POLG2: variants seen among roughly 807,000 people sequenced by gnomAD.
POLG2 encodes the protein DNA polymerase subunit gamma-2.
POLG2 carries 50 observed loss-of-function variants against 56.5 expected under a neutral mutation model. That is an observed-to-expected ratio of 0.88 (90% confidence interval 0.71 to 1.12). The LOEUF (loss-of-function observed/expected upper bound fraction) is 1.12. POLG2 is among the 50% of genes most tolerant of loss of function. The probability of loss-of-function intolerance (pLI) is 0.00; values close to 1 mark genes in which losing one functional copy is unlikely to be tolerated. For synonymous variants in POLG2, 226 were observed against 222.6 expected, an observed-to-expected ratio of 1.02 and a Z score of -0.14; for missense variants, 584 against 583.3, an observed-to-expected ratio of 1.00 and a Z score of -0.01.
At chr17:64,488,822 A>C (rs782691993) in intron 4 of POLG2, among the ~76,000 whole-genome samples, 1 of 151,844 alleles carries the variant, frequency 6.6e-6, no homozygotes, top group African/African-American at 2.4e-5. Flanking sequence ...ACAAAAATTA[A>C]CCGGGCGTGG....
intron 6 of POLG2, 130 bp from the exon 7 acceptor site, chr17:64,480,519 G>A (rs537799624): frequency 4.7e-5 from 25 of 527,410 alleles, no homozygotes; most frequent in Non-Finnish European, 7.9e-5. Context: ...ATTATGTGAT[G>A]TTAATGTTTA....
Position 64,485,735 on chromosome 17 carries a change from TG to T in POLG2, c.1102del (p.His368IlefsTer11), listed in dbSNP as rs863224172. 6.2e-7 allele frequency: 1 copy of T among 1,612,556 alleles called. No individual in the cohort carries two copies. Among genetic ancestry groups the T allele is most frequent in the Admixed American group, 1.7e-5 (1 of 60,022 alleles). The stretch of plus-strand genomic sequence containing the variant: ...CTGAAATATCAACAGCACCTTTCTA[TG>T]AAGATTTTTCTTTCTTGTAAAGGAG... ...ENSFTRKKNL[H>X]RKVLKLHPCL... On this transcript the variant is annotated frameshift_variant, in exon 5 of 8. Transcript: ENST00000539111. LOFTEE classifies it high-confidence loss of function.
At chr17:64,491,724 A>C (rs1366942120) in intron 3 of POLG2, 2 of 861,418 alleles carry the variant, frequency 2.3e-6, no homozygotes, top group African/African-American at 1.7e-5. Context: ...GGCAGGGTAC[A>C]TGCTCTTCAT....
intron 4 of POLG2, among the ~76,000 whole-genome samples, chr17:64,486,305 T>C (rs1555667462): frequency 6.6e-6 from 1 of 152,006 alleles, no homozygotes; most frequent in Non-Finnish European, 1.5e-5. Context: ...TCAATAGCCC[T>C]ACAGACTATT....
chr17:64,478,088 TCA>T, intron 7 of POLG2, 100 bp from the exon 8 acceptor site: 1 of 1,272,448 alleles, frequency 7.9e-7, no homozygotes, highest in Non-Finnish European at 1.1e-6. Context: ...CTCTCAAGAG[TCA>T]CAGACTCAGG....
chr17:64,485,704 C>G (rs782774378), intron 5 of POLG2, 24 bp downstream of exon 5: 2 of 1,591,112 alleles, frequency 1.3e-6, no homozygotes, highest in African/African-American at 2.7e-5. Flanking sequence ...TTTCCCAAGT[C>G]TATCTCTGAA....
chr17:64,495,510 G>T (rs1332321574), intron 1 of POLG2, among the ~76,000 whole-genome samples: 1 of 152,102 alleles, frequency 6.6e-6, no homozygotes, highest in Non-Finnish European at 1.5e-5. Flanking sequence ...GCCCGAGGTC[G>T]AGGCTGCAGT....
At chr17:64,485,943 C>CAAA in intron 4 of POLG2, 75 bp from the exon 5 acceptor site, 7 of 1,461,652 alleles carry the variant, frequency 4.8e-6, no homozygotes, top group Non-Finnish European at 6.7e-6. Flanking sequence ...GACGGAGTCT[C>CAAA]ACTCTGTCAC....
chr17:64,482,119 T>TC (rs1568082467), intron 6 of POLG2, among the ~76,000 whole-genome samples: 4 of 145,188 alleles, frequency 2.8e-5, no homozygotes, highest in African/African-American at 7.7e-5. Context: ...TTTTTTTTTT[T>TC]CTGAAGCAGG....
chr17:64,487,932 C>G (rs917022518), intron 4 of POLG2, among the ~76,000 whole-genome samples: 5 of 152,216 alleles, frequency 3.3e-5, no homozygotes, highest in Non-Finnish European at 7.3e-5. Context: ...ACTCTTCCAA[C>G]AATATCTGAT....
intron 6 of POLG2, among the ~76,000 whole-genome samples, chr17:64,482,265 G>A (rs1393477690): frequency 1.3e-5 from 2 of 150,518 alleles, no homozygotes; most frequent in East Asian, 2.0e-4. Context: ...CATTATGCTC[G>A]GCTAATTTTT....
rs782219499 is a variant in POLG2, at chr17:64,496,679, G to A, written c.290C>T (p.Pro97Leu). Residue 97 changes from proline to leucine, a missense_variant, in exon 1 of 8, where the codon CCC becomes CTC. Physicochemically the swap from Pro to Leu is moderately conservative, Grantham distance 98. Transcript: ENST00000539111. ...CTCTACGCCCAAGGGTCCGAAGCCG[G>A]GGTGGCACCCACTCAGAAGAGAATC... ...SRDSLLSGCH[P>L]GFGPLGVELR... The A allele has an allele frequency of 3.3e-5, 53 of 1,613,858 alleles. No homozygotes were observed. The highest frequency in any genetic ancestry group is 3.6e-5 in the Non-Finnish European group (42 of 1,180,010).
At position 64,485,802 on chromosome 17, in the gene POLG2, T is replaced by A; in HGVS notation, c.1036A>T (p.Met346Leu). The A allele has an allele frequency of 3.1e-6, 5 of 1,612,970 alleles. No individual in the cohort carries two copies. Among genetic ancestry groups the A allele is most frequent in the Non-Finnish European group, 4.2e-6 (5 of 1,178,896 alleles). Reference protein sequence around the residue: ...LSVNGDLDRGMLAYLYDSFQL... With the variant: ...LSVNGDLDRGLLAYLYDSFQL... The stretch of plus-strand genomic sequence containing the variant: ...AAAGAATCATAGAGGTAGGCCAGCA[T>A]GCCTCGGTCTAGGTCCCCATTTACA... Residue 346 changes from methionine to leucine, a missense_variant, in exon 5 of 8, where the codon ATG (methionine) becomes TTG (leucine). Coordinates refer to ENST00000539111, the MANE Select transcript of POLG2 (RefSeq NM_007215.4).
rs1555668838 is a variant in POLG2, at chr17:64,492,952, A to G, written c.632T>C (p.Ile211Thr). Residue 211 changes from isoleucine (I) to threonine (T), a missense_variant, in exon 2 of 8, where the codon ATT becomes ACT. Physicochemically the swap from Ile to Thr is moderately conservative, Grantham distance 89. Transcript: ENST00000539111. ...NKRLPYGLAQ[I>T]GVCFHPVFDT... ...AAAAACAGGATGAAAACACACTCCAATCTGAGCAAGGCCATAAGGTAGCCT... is the reference window on the plus strand; with the variant it reads ...AAAAACAGGATGAAAACACACTCCAGTCTGAGCAAGGCCATAAGGTAGCCT... 2.5e-6 allele frequency: 4 copies of G among 1,614,084 alleles called. No homozygotes were observed. Among genetic ancestry groups the G allele is most frequent in the Non-Finnish European group, 3.4e-6 (4 of 1,179,914 alleles).
At chr17:64,480,412 CA>C in intron 6 of POLG2, 23 bp from the exon 7 acceptor site, 1 of 1,164,112 alleles carries the variant, frequency 8.6e-7, no homozygotes, top group Non-Finnish European at 1.3e-6. Context: ...AGAAAAACTT[CA>C]AATATGAAAG....
chr17:64,485,098 A>C (rs1315321430), intron 5 of POLG2: 1 of 152,164 alleles, frequency 6.6e-6, no homozygotes, highest in South Asian at 2.1e-4. Flanking sequence ...CTGCTGTTTC[A>C]AATATCTCCT....
At position 64,496,396 on chromosome 17, in the gene POLG2, G is replaced by T; in HGVS notation, c.562+11C>A. On this transcript the variant is annotated intron_variant, in intron 1 of 7. Coordinates refer to ENST00000539111, the MANE Select transcript of POLG2 (RefSeq NM_007215.4). ...GACACCTGTTTTGAAGCATGAAATC[G>T]TGAAGCATACCGTGAAGAAGGTTCT... 1 of 1,541,970 alleles carries T rather than the reference G, an allele frequency of 6.5e-7. No individual in the cohort carries two copies.
intron 3 of POLG2, among the ~76,000 whole-genome samples, chr17:64,491,346 G>A (rs989381423): frequency 5.3e-5 from 8 of 152,190 alleles, no homozygotes; most frequent in African/African-American, 1.7e-4. Flanking sequence ...TGTTATGCCA[G>A]CTCTTTGGGA....
At position 64,496,630 on chromosome 17, in the gene POLG2, T is replaced by C. The variant is rs148630183; in HGVS notation, c.339A>G (p.Glu113=). ...GVELRKNLAA[E]WWTSVVVFRE... is the part of the protein sequence containing the mutation. ...TGAACACCACCACCGAGGTCCACCA[T>C]TCTGCGGCCAGGTTCTTCCGCAACT... The change falls in exon 1 of 8, where the codon GAA becomes GAG. Residue 113 remains glutamate (E), a synonymous_variant. Coordinates refer to ENST00000539111, the MANE Select transcript of POLG2 (RefSeq NM_007215.4). 3 of 1,613,690 alleles carry C rather than the reference T, an allele frequency of 1.9e-6. No homozygotes were observed. The highest frequency in any genetic ancestry group is 2.5e-6 in the Non-Finnish European group (3 of 1,179,890).
Sources: allele counts gnomAD v4.1 joint callset (sites outside exome capture counted in the v4.1 genomes callset), GRCh38; gene constraint gnomAD v4.1.1; transcripts MANE v1.5; gene names NCBI Gene and HGNC (gene_info 2026-07-23, HGNC 2026-07-21).